The following FEZF2 variants were observed in gnomAD, a reference collection of about 807,000 sequenced individuals.
FEZF2 encodes the protein fez family zinc finger protein 2.
A neutral mutation model predicts 32.8 loss-of-function variants in FEZF2; 2 were observed. The observed-to-expected ratio is 0.06, with a 90% CI of 0.02 to 0.19. FEZF2 has a LOEUF of 0.19. Among genes scored for constraint, FEZF2 ranks in the 10% least tolerant of loss-of-function variants. The pLI is 1.00. For missense variants in FEZF2, 516 were observed against 625.4 expected (o/e 0.83, Z 1.87); for synonymous variants, 322 against 284.8 (o/e 1.13, Z -1.32).
At position 62,372,599 on chromosome 3, in the gene FEZF2, A is replaced by C; in HGVS notation, c.270T>G (p.Ser90Arg). Residue 90 changes from serine to arginine, a missense_variant, in exon 2 of 5, where the codon AGT becomes AGG. Ser to Arg is a moderately radical substitution (Grantham distance 110, BLOSUM62 -1). Transcript: ENST00000283268. This position sits in a 1 kb window ranked among gnomAD's most constrained non-coding sequence, Gnocchi z 9.6. Reference sequence around the variant, plus strand: ...GGCTGCTTTTCCAGAGCTCCGAGTAACTGAGCAGTGTCTTTGACGGCACCT... The same window carrying C: ...GGCTGCTTTTCCAGAGCTCCGAGTACCTGAGCAGTGTCTTTGACGGCACCT... Reference protein sequence around the residue: ...GYEVPSKTLLSYSELWKSSLR... With the variant: ...GYEVPSKTLLRYSELWKSSLR... The C allele has an allele frequency of 4.7e-6, 7 of 1,489,848 alleles. No individual in the cohort carries two copies. Among genetic ancestry groups the C allele is most frequent in the Non-Finnish European group, 5.4e-6 (6 of 1,113,842 alleles). 92.3% of individuals were successfully genotyped at this position (1,489,848 alleles called of 1,614,324 possible).
At chr3:62,371,426 C>A in intron 3 of FEZF2, 77 bp from the exon 4 acceptor site, 1 of 1,584,280 alleles carries the variant, frequency 6.3e-7, no homozygotes, top group Non-Finnish European at 8.6e-7. Flanking sequence ...CCCACCCCCA[C>A]TCAACCCTAG....
chr3:62,370,013 G>T lies in FEZF2; in HGVS notation c.*70C>A. 2 of 1,477,648 alleles carry T rather than the reference G, an allele frequency of 1.4e-6. No homozygotes were observed. The highest frequency in any genetic ancestry group is 1.8e-6 in the Non-Finnish European group (2 of 1,102,930). 91.5% of individuals were successfully genotyped at this position (1,477,648 alleles called of 1,614,324 possible). A position where few individuals can be genotyped will look rare whatever the true frequency, so the allele number is the denominator to read the frequency against. On this transcript the variant is annotated 3_prime_UTR_variant, in exon 5 of 5. Coordinates refer to ENST00000283268, the MANE Select transcript of FEZF2 (RefSeq NM_018008.4). The surrounding 1 kb of genome is among the most constrained non-coding windows in gnomAD (Gnocchi z 4.2). The stretch of plus-strand genomic sequence containing the variant: ...ATAGTTTTTTTTTCTTTTAATTTTA[G>T]AAATAAGTTTATATGTGTGATCTGT...
chr3:62,371,655 G>C lies in FEZF2; in HGVS notation c.865C>G (p.His289Asp). 6.2e-7 allele frequency: 1 copy of C among 1,612,952 alleles called. No homozygotes were observed. Residue 289 changes from histidine to aspartate, a missense_variant, in exon 3 of 5, where the codon CAC becomes GAC. Physicochemically the swap from His to Asp is moderately conservative, Grantham distance 81. Transcript: ENST00000283268. ...CEVCGKVFNA[H>D]YNLTRHMPVH... ...GGCATGTGGCGGGTGAGATTATAGT[G>C]AGCGTTAAACACCTATGGAAAGACA...
Position 62,370,356 on chromosome 3 carries a change from A to G in FEZF2, c.1121-14T>C. 1 of 1,612,032 alleles carries G rather than the reference A, an allele frequency of 6.2e-7. No individual in the cohort carries two copies. ...TCTTGTAGTTCCCTACAACAGATCA[A>G]GAACAAAAAACGTGGGGGTATGGAG... On this transcript the variant is annotated splice_polypyrimidine_tract_variant and intron_variant, in intron 4 of 4. Transcript: ENST00000283268. The surrounding 1 kb of genome is among the most constrained non-coding windows in gnomAD (Gnocchi z 4.2).
In FEZF2 at chr3:62,370,943, C is replaced by A. The variant is rs1704260254; in HGVS notation, c.1120+274G>T. 6.6e-6 allele frequency among the ~76,000 whole-genome samples: 1 copy of A among 152,192 alleles called. No individual in the cohort carries two copies. Among genetic ancestry groups the A allele is most frequent in the Admixed American group, 6.5e-5 (1 of 15,278 alleles). On this transcript the variant is annotated intron_variant, in intron 4 of 4. Coordinates refer to ENST00000283268, the MANE Select transcript of FEZF2 (RefSeq NM_018008.4). The surrounding 1 kb of genome is among the most constrained non-coding windows in gnomAD (Gnocchi z 4.2). ...TTTTTCTATAGGGCAATACCCTCTCCTTTTCCTACATCCTTTCCTTCTGTC... is the reference window on the plus strand; with the variant it reads ...TTTTTCTATAGGGCAATACCCTCTCATTTTCCTACATCCTTTCCTTCTGTC...
chr3:62,371,968 C>A (rs1405340658), intron 2 of FEZF2, 49 bp downstream of exon 2: 2 of 1,575,436 alleles, frequency 1.3e-6, no homozygotes, highest in African/African-American at 2.7e-5. Context: ...AGGAAGCCGC[C>A]GCCGCCGATC....
In FEZF2 at chr3:62,372,347, G is replaced by A. The variant is rs1300556691; in HGVS notation, c.522C>T (p.Tyr174=). 2.5e-6 allele frequency: 4 copies of A among 1,610,438 alleles called. No individual in the cohort carries two copies. The highest frequency in any genetic ancestry group is 1.7e-5 in the Admixed American group (1 of 59,916). ...ACGGCGGGTACGCGGTCGAGTCCAGGTAGTTGAAGTAGTAGAGCGAGCCGC... is the reference window on the plus strand; with the variant it reads ...ACGGCGGGTACGCGGTCGAGTCCAGATAGTTGAAGTAGTAGAGCGAGCCGC... The part of the protein sequence containing the change: ...PASGSLYYFN[Y]LDSTAYPPSE... Residue 174 remains tyrosine (Y), a synonymous_variant, in exon 2 of 5, where the codon TAC becomes TAT. Coordinates refer to ENST00000283268, the MANE Select transcript of FEZF2 (RefSeq NM_018008.4). This position sits in a 1 kb window ranked among gnomAD's most constrained non-coding sequence, Gnocchi z 9.6.
At chr3:62,371,452 C>T in intron 3 of FEZF2, 81 bp downstream of exon 3, 4 of 1,576,368 alleles carry the variant, frequency 2.5e-6, no homozygotes, top group Non-Finnish European at 2.6e-6. Context: ...AAGGGATAAT[C>T]TTTGGCCATC....
chr3:62,373,138 A>C lies in FEZF2; in HGVS notation c.-59+141T>G. ...AAGAAGGGGGAGGGTTTACAAAAGA[A>C]AAGGGGGGGGGCGGTGAGAAAAGAG... is the stretch of plus-strand genomic sequence containing the variant. On this transcript the variant is annotated intron_variant, in intron 1 of 4. Coordinates refer to ENST00000283268, the MANE Select transcript of FEZF2 (RefSeq NM_018008.4). The surrounding 1 kb of genome is among the most constrained non-coding windows in gnomAD (Gnocchi z 5.5). 3.4e-4 allele frequency: 64 copies of C among 187,466 alleles called. No homozygotes were observed. The highest frequency in any genetic ancestry group is 7.4e-4 in the East Asian group (7 of 9,396). 11.6% of individuals were successfully genotyped at this position (187,466 alleles called of 1,614,324 possible). A position where few individuals can be genotyped will look rare whatever the true frequency, so the allele number is the denominator to read the frequency against.
chr3:62,372,307 C>T lies in FEZF2; in HGVS notation c.562G>A (p.Gly188Ser). 6.2e-7 allele frequency: 1 copy of T among 1,607,512 alleles called. No homozygotes were observed. The highest frequency in any genetic ancestry group is 1.1e-5 in the South Asian group (1 of 90,118). The change falls in exon 2 of 5, where the codon GGC becomes AGC. Residue 188 changes from glycine (G) to serine (S), a missense_variant. By Grantham distance (56) the Gly-to-Ser change is moderately conservative. Coordinates refer to ENST00000283268, the MANE Select transcript of FEZF2 (RefSeq NM_018008.4). This position sits in a 1 kb window ranked among gnomAD's most constrained non-coding sequence, Gnocchi z 9.6. Reference sequence around the variant, plus strand: ...AGGAGGCCAGACGGGAAGAGGTGGCCGCTGAGGAGCTCAGACGGCGGGTAC... The same window carrying T: ...AGGAGGCCAGACGGGAAGAGGTGGCTGCTGAGGAGCTCAGACGGCGGGTAC... ...TAYPPSELLS[G>S]HLFPSGLLNA... is the part of the protein sequence containing the mutation.
At position 62,372,005 on chromosome 3, in the gene FEZF2, C is replaced by G. The variant is rs779590025; in HGVS notation, c.852+12G>C. On this transcript the variant is annotated intron_variant, in intron 2 of 4. Transcript: ENST00000283268. This position sits in a 1 kb window ranked among gnomAD's most constrained non-coding sequence, Gnocchi z 9.6. ...CCCCTCCCGGCCCCCCTCGCCGAAC[C>G]CTGGGCCTCACCTTGCCGCACACCT... 5 of 1,600,186 alleles carry G rather than the reference C, an allele frequency of 3.1e-6. No homozygotes were observed. Among genetic ancestry groups the G allele is most frequent in the Admixed American group, 3.4e-5 (2 of 59,600 alleles).
chr3:62,371,549 T>C lies in FEZF2; in HGVS notation c.971A>G (p.Lys324Arg). ...FRQASTLCRHKIIHTQEKPHK... is the reference protein window; with the variant it reads ...FRQASTLCRHRIIHTQEKPHK... ...GCCACGTACCTGGGTGTGGATAATT[T>C]TGTGCCTGCAGAGCGTGCTGGCCTG... Residue 324 changes from lysine to arginine, a missense_variant, in exon 3 of 5, where the codon AAA becomes AGA. Physicochemically the swap from Lys to Arg is conservative, Grantham distance 26 (BLOSUM62 2). Around this residue, in one of 3 missense-constraint regions of FEZF2, gnomAD observed 79 missense variants for 219.4 expected, o/e 0.36. Transcript: ENST00000283268. 6.2e-7 allele frequency: 1 copy of C among 1,613,126 alleles called. No individual in the cohort carries two copies. Among genetic ancestry groups the C allele is most frequent in the Non-Finnish European group, 8.5e-7 (1 of 1,179,474 alleles).
rs199593114 is a variant in FEZF2, at chr3:62,371,520, G to A, written c.987+13C>T. ...GTTGCGCGCGGGCTAGGCCCGACCC[G>A]GGGGCCACGTACCTGGGTGTGGATA... On this transcript the variant is annotated intron_variant, in intron 3 of 4. Transcript: ENST00000283268. The A allele has an allele frequency of 1.5e-5, 24 of 1,605,484 alleles. No individual in the cohort carries two copies. In the African/African-American group the frequency reaches 2.5e-4, roughly 17 times the overall value.
In FEZF2 at chr3:62,370,438, A is replaced by G. The variant is rs924196707; in HGVS notation, c.1121-96T>C. Reference sequence around the variant, plus strand: ...CAGGGGCAGCCCAGGTGCCTGCTCAAAAAAGGCGACGCTTGGCTAGGCGGG... The same window carrying G: ...CAGGGGCAGCCCAGGTGCCTGCTCAGAAAAGGCGACGCTTGGCTAGGCGGG... On this transcript the variant is annotated intron_variant, in intron 4 of 4. Coordinates refer to ENST00000283268, the MANE Select transcript of FEZF2 (RefSeq NM_018008.4). This position sits in a 1 kb window ranked among gnomAD's most constrained non-coding sequence, Gnocchi z 4.2. The G allele has an allele frequency of 7.4e-7, 1 of 1,350,938 alleles. No homozygotes were observed. The allele number at this position is 1,350,938 out of a possible 1,614,324, so 83.7% of individuals were successfully genotyped here.
Position 62,369,995 on chromosome 3 carries a change from T to TC in FEZF2, c.*87_*88insG. Reference sequence around the variant, plus strand: ...GATTTTAGCCTCTCTGCTATAGTTTTTTTTTCTTTTAATTTTAGAAATAAG... The same window carrying TC: ...GATTTTAGCCTCTCTGCTATAGTTTTCTTTTTCTTTTAATTTTAGAAATAAG... On this transcript the variant is annotated 3_prime_UTR_variant, in exon 5 of 5. Transcript: ENST00000283268. This position sits in a 1 kb window ranked among gnomAD's most constrained non-coding sequence, Gnocchi z 4.2. 7.0e-7 allele frequency: 1 copy of TC among 1,438,690 alleles called. No individual in the cohort carries two copies. The highest frequency in any genetic ancestry group is 9.3e-7 in the Non-Finnish European group (1 of 1,080,668). 89.1% of individuals were successfully genotyped at this position (1,438,690 alleles called of 1,614,324 possible).
chr3:62,369,842 A>C lies in FEZF2; in HGVS notation c.*241T>G. 2.1e-6 allele frequency: 1 copy of C among 483,430 alleles called. No homozygotes were observed. The highest frequency in any genetic ancestry group is 3.6e-6 in the Non-Finnish European group (1 of 278,340). The allele number at this position is 483,430 out of a possible 1,614,324, so 29.9% of individuals were successfully genotyped here. A position where few individuals can be genotyped will look rare whatever the true frequency, so the allele number is the denominator to read the frequency against. On this transcript the variant is annotated 3_prime_UTR_variant, in exon 5 of 5. Transcript: ENST00000283268. This position sits in a 1 kb window ranked among gnomAD's most constrained non-coding sequence, Gnocchi z 4.2. ...GCCCCAGGAGAAGCGGAGGCCTGGA[A>C]TTAAATACGTTTCGGCGCACTGGAT...
Position 62,372,366 on chromosome 3 carries a change from G to C in FEZF2, c.503C>G (p.Ser168Trp). Residue 168 changes from serine (S) to tryptophan (W), a missense_variant, in exon 2 of 5, where the codon TCG becomes TGG. Coordinates refer to ENST00000283268, the MANE Select transcript of FEZF2 (RefSeq NM_018008.4). The surrounding 1 kb of genome is among the most constrained non-coding windows in gnomAD (Gnocchi z 9.6). ...NQAVGLPASG[S>W]LYYFNYLDST... The stretch of plus-strand genomic sequence containing the variant: ...GTCCAGGTAGTTGAAGTAGTAGAGC[G>C]AGCCGCTGGCCGGCAGCCCCACAGC... 6.2e-7 allele frequency: 1 copy of C among 1,610,798 alleles called. No homozygotes were observed. The highest frequency in any genetic ancestry group is 8.5e-7 in the Non-Finnish European group (1 of 1,179,730).
At position 62,370,989 on chromosome 3, in the gene FEZF2, T is replaced by A. The variant is rs1348349136; in HGVS notation, c.1120+228A>T. Reference sequence around the variant, plus strand: ...CTGTCCCCGTGCTTCCTTCGACCTCTCGAATTCGGAGTCTCTCAGTGCACC... The same window carrying A: ...CTGTCCCCGTGCTTCCTTCGACCTCACGAATTCGGAGTCTCTCAGTGCACC... On this transcript the variant is annotated intron_variant, in intron 4 of 4. Transcript: ENST00000283268. The surrounding 1 kb of genome is among the most constrained non-coding windows in gnomAD (Gnocchi z 4.2). Among the ~76,000 whole-genome samples, 3 of 152,196 alleles carry A rather than the reference T, an allele frequency of 2.0e-5. No homozygotes were observed. Among genetic ancestry groups the A allele is most frequent in the Non-Finnish European group, 2.9e-5 (2 of 68,040 alleles).
intron 2 of FEZF2, 80 bp downstream of exon 2, chr3:62,371,937 G>A: frequency 1.3e-6 from 2 of 1,525,368 alleles, no homozygotes; most frequent in Non-Finnish European, 8.7e-7. Flanking sequence ...GCTTGAAAAA[G>A]GGGCATTCCA....
Sources: gnomAD v4.1 joint callset for allele counts (sites outside exome capture counted in the v4.1 genomes callset) on GRCh38, gnomAD v4.1.1 for gene constraint, gnomAD v4.1.1 regional missense constraint, Gnocchi (gnomAD v3.1) non-coding constraint, MANE v1.5 for transcripts, NCBI Gene and HGNC (gene_info 2026-07-23, HGNC 2026-07-21) for gene names.